Variants in CDK19 observed in about 807,000 individuals in gnomAD.
CDK19 encodes cyclin dependent kinase 19.
Under a neutral mutation model 68.3 loss-of-function variants are expected in CDK19, and 20 were observed. The observed-to-expected ratio is 0.29, with a 90% CI of 0.21 to 0.43. The LOEUF (loss-of-function observed/expected upper bound fraction) is 0.43. CDK19 is among the 20% of genes least tolerant of loss of function. CDK19 has a pLI of 1.00. For synonymous variants in CDK19, 221 were observed against 222.8 expected, an observed-to-expected ratio of 0.99 and a Z score of 0.07; for missense variants, 339 against 623.5, an observed-to-expected ratio of 0.54 and a Z score of 4.86.
intron 1 of CDK19, among the ~76,000 whole-genome samples, chr6:110,778,505 T>G (rs1048393275): frequency 3.9e-5 from 6 of 152,206 alleles, no homozygotes; most frequent in Non-Finnish European, 7.3e-5. Flanking sequence ...CAGAATGGCT[T>G]TTACTCAGAG....
intron 2 of CDK19, among the ~76,000 whole-genome samples, chr6:110,733,111 C>A (rs1776886145): frequency 6.6e-6 from 1 of 152,130 alleles, no homozygotes; most frequent in African/African-American, 2.4e-5. Flanking sequence ...CCACTCAACC[C>A]TCCTGCCCAC....
At chr6:110,776,580 A>G (rs1036064767) in intron 1 of CDK19, among the ~76,000 whole-genome samples, 4 of 152,262 alleles carry the variant, frequency 2.6e-5, no homozygotes, top group African/African-American at 9.6e-5. Flanking sequence ...GGCAGCCAGA[A>G]GAGCACAGTC....
chr6:110,686,580 A>C (rs1226418097), intron 2 of CDK19, among the ~76,000 whole-genome samples: 2 of 152,238 alleles, frequency 1.3e-5, no homozygotes, highest in African/African-American at 4.8e-5. Context: ...GAGACTCAAC[A>C]AATTTTAGAT....
chr6:110,801,637 G>A (rs577936384), intron 1 of CDK19, among the ~76,000 whole-genome samples: 8 of 151,758 alleles, frequency 5.3e-5, no homozygotes, highest in East Asian at 1.9e-4. Context: ...TCAGCCTCCC[G>A]AGTAGCTGGG....
chr6:110,658,076 G>A (rs1292740622), intron 4 of CDK19, among the ~76,000 whole-genome samples: 2 of 152,214 alleles, frequency 1.3e-5, no homozygotes, highest in Non-Finnish European at 2.9e-5. Flanking sequence ...TGTAAGGTGT[G>A]TGTCACCATA....
intron 2 of CDK19, among the ~76,000 whole-genome samples, chr6:110,710,196 C>T (rs12200431): frequency 0.047 from 7,155 of 152,236 alleles, 171 homozygotes; most frequent in Middle Eastern, 0.078. Context: ...AATCTTGAAG[C>T]CAACTCAACC....
intron 1 of CDK19, chr6:110,814,495 G>A (rs1783410430): frequency 2.5e-6 from 1 of 407,498 alleles, no homozygotes; most frequent in Non-Finnish European, 4.8e-6. Context: ...GCGGTGCCCA[G>A]CGGGTCAGAG....
At chr6:110,696,805 C>G (rs1446240878) in intron 2 of CDK19, among the ~76,000 whole-genome samples, 2 of 152,088 alleles carry the variant, frequency 1.3e-5, no homozygotes, top group Admixed American at 6.6e-5. Context: ...GCCTGTAATC[C>G]CAGCACTTTG....
rs1464530411 is a variant in CDK19 at position 110,667,426 on chromosome 6, A to T, written c.456+8T>A. The T allele has an allele frequency of 6.5e-7, 1 of 1,542,048 alleles. No homozygotes were observed. Among genetic ancestry groups the T allele is most frequent in the East Asian group, 2.3e-5 (1 of 43,034 alleles). On this transcript the variant is annotated splice_region_variant and intron_variant, in intron 4 of 12. Transcript: ENST00000368911. ...ACATATTGATGAATTTAAAAGAAAA[A>T]TACTTACCAAGTCTCTGTGAAGCAC...
At chr6:110,742,881 C>A (rs571857782) in intron 2 of CDK19, among the ~76,000 whole-genome samples, 1 of 152,106 alleles carries the variant, frequency 6.6e-6, no homozygotes, top group East Asian at 1.9e-4. Context: ...CCTTGCCTTG[C>A]GATCTTTATT....
chr6:110,771,762 C>T (rs1369468885), intron 1 of CDK19, among the ~76,000 whole-genome samples: 1 of 152,230 alleles, frequency 6.6e-6, no homozygotes, highest in Admixed American at 6.5e-5. Flanking sequence ...CTCTCGAATG[C>T]TTTGCTGCTT....
At chr6:110,683,701 C>CT (rs200335188) in intron 2 of CDK19, among the ~76,000 whole-genome samples, 19,470 of 127,368 alleles carry the variant, frequency 0.15, 1,875 homozygotes, top group East Asian at 0.3. Flanking sequence ...AGTATTTAAT[C>CT]TTTTTTTTTT....
chr6:110,682,448 G>A (rs1272144219), intron 2 of CDK19, among the ~76,000 whole-genome samples: 1 of 152,140 alleles, frequency 6.6e-6, no homozygotes, highest in Non-Finnish European at 1.5e-5. Flanking sequence ...TTTGAAAGTT[G>A]ACACTTTCAC....
At chr6:110,618,050 TTTCCAGG>T (rs1424296638) in intron 12 of CDK19, among the ~76,000 whole-genome samples, 1 of 151,968 alleles carries the variant, frequency 6.6e-6, no homozygotes, top group Non-Finnish European at 1.5e-5. Context: ...TCTCCCCCTT[TTTCCAGG>T]AATTTTCATG....
intron 1 of CDK19, among the ~76,000 whole-genome samples, chr6:110,747,554 C>A (rs1277115988): frequency 6.6e-6 from 1 of 151,950 alleles, no homozygotes; most frequent in Non-Finnish European, 1.5e-5. Context: ...TATACATCTA[C>A]AAATATGTTG....
At chr6:110,709,506 T>TAAA (rs35088713) in intron 2 of CDK19, among the ~76,000 whole-genome samples, 1 of 142,028 alleles carries the variant, frequency 7.0e-6, no homozygotes, top group Non-Finnish European at 1.5e-5. Context: ...AAAGTATAAT[T>TAAA]AAAAAAAAAA....
chr6:110,695,282 A>G (rs1773374641), intron 2 of CDK19, among the ~76,000 whole-genome samples: 1 of 152,200 alleles, frequency 6.6e-6, no homozygotes, highest in African/African-American at 2.4e-5. Context: ...AATCAAGATG[A>G]AAATTTAAAA....
chr6:110,638,069 A>T (rs1365384144), intron 5 of CDK19, among the ~76,000 whole-genome samples: 2 of 151,352 alleles, frequency 1.3e-5, no homozygotes, highest in African/African-American at 4.8e-5. Context: ...TTTTTTTTTT[A>T]GAACATTCAG....
chr6:110,623,805 T>C (rs1778884806), intron 8 of CDK19, among the ~76,000 whole-genome samples: 1 of 147,264 alleles, frequency 6.8e-6, no homozygotes, highest in Admixed American at 6.9e-5. Flanking sequence ...CACACACATA[T>C]ACACATATAT....
Sources: allele counts gnomAD v4.1 joint callset (sites outside exome capture counted in the v4.1 genomes callset), GRCh38; gene constraint gnomAD v4.1.1; transcripts MANE v1.5; gene names NCBI Gene and HGNC (gene_info 2026-07-23, HGNC 2026-07-21).